The following RAB37 variants were observed in gnomAD, a reference collection of about 807,000 sequenced individuals.
The protein encoded by RAB37 is RAB37, member RAS oncogene family.
Under a neutral mutation model 33.1 loss-of-function variants are expected in RAB37, and 29 were observed. The observed-to-expected ratio is 0.88, with a 90% CI of 0.65 to 1.20. The LOEUF (loss-of-function observed/expected upper bound fraction) is 1.20. Ranked by LOEUF, RAB37 falls within the 50% of genes most tolerant of loss-of-function variation. The pLI, the probability that RAB37 is intolerant of heterozygous loss-of-function variation, is 0.00. For missense variants in RAB37, 299 were observed against 301.1 expected (o/e 0.99, Z 0.05); for synonymous variants, 128 against 119.5 (o/e 1.07, Z -0.47).
intron 1 of RAB37, among the ~76,000 whole-genome samples, chr17:74,696,906 T>G (rs2032536740): frequency 1.4e-5 from 1 of 70,654 alleles, no homozygotes; most frequent in Admixed American, 1.8e-4. Context: ...CCGATTTTGT[T>G]TGGTTTGGTT....
intron 1 of RAB37, chr17:74,694,872 T>G (rs1380988643): frequency 4.3e-6 from 2 of 462,990 alleles, no homozygotes; most frequent in African/African-American, 3.9e-5. Flanking sequence ...CCTAGCCCCC[T>G]CCTCAACTAT....
upstream of RAB37, chr17:74,736,508 G>A (rs1383585021): frequency 1.4e-6 from 2 of 1,417,654 alleles, no homozygotes; most frequent in African/African-American, 1.5e-5. Context: ...GCTCCTCCTC[G>A]GGGCCAGGGT....
rs189431753 is a variant in RAB37 at position 74,746,220 on chromosome 17, G to T, written c.*809G>T. The T allele has an allele frequency of 6.6e-6, 1 of 152,086 alleles. No individual in the cohort carries two copies. The highest frequency in any genetic ancestry group is 1.5e-5 in the Non-Finnish European group (1 of 68,046). The allele number at this position is 152,086 out of a possible 1,614,324, so 9.4% of individuals were successfully genotyped here. On this transcript the variant is annotated 3_prime_UTR_variant, in exon 9 of 9. Coordinates refer to ENST00000392613, the MANE Select transcript of RAB37 (RefSeq NM_001006638.3). The surrounding 1 kb of genome is among the most constrained non-coding windows in gnomAD (Gnocchi z 5.2). Reference sequence around the variant, plus strand: ...AAACCTCAGGTCAGAACTAGGAAAAGAGTTTTGTTTTTATTTTTTTGAAAT... The same window carrying T: ...AAACCTCAGGTCAGAACTAGGAAAATAGTTTTGTTTTTATTTTTTTGAAAT...
upstream of RAB37, chr17:74,736,462 T>C (rs538810224): frequency 1.1e-5 from 15 of 1,308,014 alleles, no homozygotes; most frequent in South Asian, 2.1e-4. Flanking sequence ...CTGGCAGCTC[T>C]GCTCAAAATG....
intron 1 of RAB37, among the ~76,000 whole-genome samples, chr17:74,688,196 C>T (rs1341886945): frequency 1.3e-5 from 2 of 152,172 alleles, no homozygotes; most frequent in East Asian, 3.8e-4. Context: ...TGGGCCCATA[C>T]TTGCTTATGC....
At chr17:74,735,151 G>T (rs1277537883), upstream of RAB37, among the ~76,000 whole-genome samples, 1 of 132,656 alleles carries the variant, frequency 7.5e-6, no homozygotes, top group African/African-American at 2.8e-5. Flanking sequence ...AGAGAGAAAG[G>T]AAAGAAGGAA....
chr17:74,679,640 T>A lies in RAB37; in HGVS notation c.72+7982T>A, dbSNP rs796422792. ...CTTAACATATGCTTTTTCCAGAAGATGTTACTATTAAACTAATTAATGTCC... is the reference window on the plus strand; with the variant it reads ...CTTAACATATGCTTTTTCCAGAAGAAGTTACTATTAAACTAATTAATGTCC... On this transcript the variant is annotated intron_variant, in intron 1 of 7. Coordinates refer to the RAB37 transcript ENST00000340415. Among the ~76,000 whole-genome samples, 6 of 152,254 alleles carry A rather than the reference T, an allele frequency of 3.9e-5. No homozygotes were observed. The South Asian group carries it at 1.0e-3, about 26-fold the overall frequency.
In RAB37 at chr17:74,743,321, C is replaced by A. The variant is rs755279933; in HGVS notation, c.347C>A (p.Ser116Tyr). 1.9e-6 allele frequency: 3 copies of A among 1,613,980 alleles called. No homozygotes were observed. The African/African-American group carries it at 4.0e-5, about 22-fold the overall frequency. The change falls in exon 5 of 9, where the codon TCT (serine) becomes TAT (tyrosine). Residue 116 changes from serine to tyrosine, a missense_variant. Physicochemically the swap from Ser to Tyr is moderately radical, Grantham distance 144. Coordinates refer to ENST00000392613, the MANE Select transcript of RAB37 (RefSeq NM_001006638.3). ...CTGCTGTATGACATCACCAACAAAT[C>A]TTCTTTCGACAACATCAGGGTAGGT... Reference protein sequence around the residue: ...LLLLYDITNKSSFDNIRAWLT... With the variant: ...LLLLYDITNKYSFDNIRAWLT...
intron 1 of RAB37, among the ~76,000 whole-genome samples, chr17:74,684,525 C>T (rs898525162): frequency 2.6e-5 from 4 of 152,122 alleles, no homozygotes; most frequent in African/African-American, 4.8e-5. Flanking sequence ...CGGTGGCTTA[C>T]GCCTATAATC....
chr17:74,711,282 A>T (rs2143935520), intron 1 of RAB37, among the ~76,000 whole-genome samples: 1 of 152,176 alleles, frequency 6.6e-6, no homozygotes, highest in East Asian at 1.9e-4. Flanking sequence ...CCCACTTCAG[A>T]CAGAGGTCCC....
chr17:74,690,055 G>A (rs954465080), intron 1 of RAB37, among the ~76,000 whole-genome samples: 5 of 152,044 alleles, frequency 3.3e-5, no homozygotes, highest in African/African-American at 9.7e-5. Context: ...ACGTTCAAGC[G>A]ATCCTACCCC....
At chr17:74,717,659 G>A (rs1040030063) in intron 1 of RAB37, among the ~76,000 whole-genome samples, 18 of 151,658 alleles carry the variant, frequency 1.2e-4, no homozygotes, top group South Asian at 1.0e-3. Flanking sequence ...CTGAAAATAC[G>A]AAATTAGCCA....
upstream of RAB37, chr17:74,736,523 G>C: frequency 6.9e-7 from 1 of 1,450,536 alleles, no homozygotes; most frequent in Non-Finnish European, 9.0e-7. Flanking sequence ...CAGGGTGAGT[G>C]TCATGGGTTA....
At chr17:74,743,528 G>T (rs1341213546) in intron 5 of RAB37, among the ~76,000 whole-genome samples, 188 bp downstream of exon 5, 6 of 152,182 alleles carry the variant, frequency 3.9e-5, no homozygotes, top group Admixed American at 1.3e-4. Flanking sequence ...GGGCATGAAG[G>T]CCAAGCAGGC....
chr17:74,696,140 G>C, intron 1 of RAB37: 2 of 1,569,830 alleles, frequency 1.3e-6, no homozygotes, highest in Non-Finnish European at 1.7e-6. Flanking sequence ...TGGAAAATGA[G>C]GAAGGGGAAA....
intron 2 of RAB37, among the ~76,000 whole-genome samples, chr17:74,732,065 A>C (rs572912268): frequency 4.3e-4 from 66 of 152,090 alleles, no homozygotes; most frequent in African/African-American, 1.3e-3. Context: ...CCCCACCTGA[A>C]CATTCACGGT....
Position 74,704,812 on chromosome 17 carries a change from G to A in RAB37, c.73-24444G>A, listed in dbSNP as rs56720854. ...GACCGGTGATTTGAGTGACAATGGAGTAGCCTGGAAAACACAAATTCATGT... is the reference window on the plus strand; with the variant it reads ...GACCGGTGATTTGAGTGACAATGGAATAGCCTGGAAAACACAAATTCATGT... On this transcript the variant is annotated intron_variant, in intron 1 of 7. Coordinates refer to the RAB37 transcript ENST00000340415. 1,291 of 1,610,004 alleles carry A rather than the reference G, an allele frequency of 8.0e-4. 11 individuals carry two copies. In the African/African-American group the frequency reaches 0.015, roughly 18 times the overall value.
intron 1 of RAB37, chr17:74,712,981 C>A: frequency 9.3e-7 from 1 of 1,073,322 alleles, no homozygotes; most frequent in Non-Finnish European, 1.4e-6. Context: ...CTCCTTCAGT[C>A]ACTTCCCATG....
Position 74,731,161 on chromosome 17 carries a change from G to A in RAB37, c.183+1795G>A, listed in dbSNP as rs1031940035. 5.9e-5 allele frequency among the ~76,000 whole-genome samples: 9 copies of A among 152,214 alleles called. 1 individual carries two copies. The highest frequency in any genetic ancestry group is 2.6e-4 in the Admixed American group (4 of 15,288). ...ATCGGGGTCTCCTCCAGATATCAGC[G>A]GTCTGGGGGTCCCCGGAGAGCCAGG... On this transcript the variant is annotated intron_variant, in intron 2 of 7. Transcript: ENST00000340415.
Sources: allele counts gnomAD v4.1 joint callset (sites outside exome capture counted in the v4.1 genomes callset), GRCh38; gene constraint gnomAD v4.1.1; non-coding constraint Gnocchi (gnomAD v3.1); transcripts MANE v1.5; gene names NCBI Gene and HGNC (gene_info 2026-07-23, HGNC 2026-07-21).